UBR1: variants seen among roughly 807,000 people sequenced by gnomAD.
UBR1 encodes the protein ubiquitin protein ligase E3 component n-recognin 1, also known as E3 ubiquitin-protein ligase UBR1.
A neutral mutation model predicts 242.1 loss-of-function variants in UBR1; 102 were observed. The observed-to-expected ratio is 0.42, with a 90% confidence interval of 0.36 to 0.50. UBR1 has a LOEUF of 0.50. Among genes scored for constraint, UBR1 ranks in the 20% least tolerant of loss-of-function variants. The pLI, the probability that UBR1 is intolerant of heterozygous loss-of-function variation, is 0.01. For synonymous variants in UBR1, 675 were observed against 684.8 expected, an observed-to-expected ratio of 0.99 and a Z score of 0.22; for missense variants, 1,772 against 2,101.8, an observed-to-expected ratio of 0.84 and a Z score of 3.07.
rs1428742525 is a variant in UBR1 at position 42,966,263 on chromosome 15, C to G, written c.4481G>C (p.Gly1494Ala). Residue 1494 changes from glycine to alanine, a missense_variant, in exon 41 of 47, where the codon GGC (glycine) becomes GCC (alanine). Coordinates refer to ENST00000290650, the MANE Select transcript of UBR1 (RefSeq NM_174916.3). ...TSGSIGCDIP[G>A]WYLWVSLKNG... The stretch of plus-strand genomic sequence containing the variant: ...CTTCAGTGAGACCCACAAATACCAG[C>G]CAGGAATATCACACCCAATGGAGCT... The G allele has an allele frequency of 2.5e-6, 4 of 1,613,956 alleles. No homozygotes were observed. The highest frequency in any genetic ancestry group is 1.6e-4 in the Middle Eastern group (1 of 6,082).
At chr15:43,101,783 A>G (rs2141373394) in intron 1 of UBR1, among the ~76,000 whole-genome samples, 1 of 152,112 alleles carries the variant, frequency 6.6e-6, no homozygotes, top group Middle Eastern at 3.4e-3. Context: ...CCTGGCCAAC[A>G]TGGTGAAACC....
intron 21 of UBR1, among the ~76,000 whole-genome samples, chr15:43,029,150 AC>A (rs2141309569): frequency 1.4e-5 from 2 of 148,090 alleles, no homozygotes; most frequent in East Asian, 1.9e-4. Flanking sequence ...TCTCTATTCT[AC>A]CTCTTTGGAA....
intron 34 of UBR1, among the ~76,000 whole-genome samples, chr15:42,989,192 G>A (rs1443666707): frequency 6.6e-6 from 1 of 152,218 alleles, no homozygotes; most frequent in Non-Finnish European, 1.5e-5. Flanking sequence ...CTTATAAAAT[G>A]CTAATGACCT....
At position 43,087,337 on chromosome 15, in the gene UBR1, G is replaced by A. The variant is rs573270015; in HGVS notation, c.82-1097C>T. Among the ~76,000 whole-genome samples the A allele has an allele frequency of 1.2e-4, 19 of 152,154 alleles. 1 individual carries two copies. The South Asian group carries it at 2.1e-3, about 17-fold the overall frequency. Reference sequence around the variant, plus strand: ...GGAGGATGGCGTGAACCCAGGAGGCGGAGCTTGCAGTGAGCCGAGAATGCG... The same window carrying A: ...GGAGGATGGCGTGAACCCAGGAGGCAGAGCTTGCAGTGAGCCGAGAATGCG... On this transcript the variant is annotated intron_variant, in intron 1 of 46. Coordinates refer to ENST00000290650, the MANE Select transcript of UBR1 (RefSeq NM_174916.3).
At chr15:42,978,800 C>T (rs2032329371) in intron 37 of UBR1, among the ~76,000 whole-genome samples, 1 of 150,048 alleles carries the variant, frequency 6.7e-6, no homozygotes, top group Non-Finnish European at 1.5e-5. Flanking sequence ...ATGATGTCGG[C>T]TCACCGCAAC....
intron 12 of UBR1, among the ~76,000 whole-genome samples, chr15:43,053,675 C>T (rs2033582312): frequency 6.6e-6 from 1 of 152,114 alleles, no homozygotes; most frequent in African/African-American, 2.4e-5. Context: ...TTACTGTAAC[C>T]TCAAACCCCT....
chr15:43,092,195 C>G (rs1028488101), intron 1 of UBR1: 36 of 297,102 alleles, frequency 1.2e-4, no homozygotes, highest in Non-Finnish European at 1.8e-4. Context: ...CCTCCACCCC[C>G]ACACCAACTT....
rs901738677 is a variant in UBR1, at chr15:42,958,339, C to T, written c.4758-249G>A. Among the ~76,000 whole-genome samples, 7 of 152,180 alleles carry T rather than the reference C, an allele frequency of 4.6e-5. No homozygotes were observed. The East Asian group carries it at 1.3e-3, about 29-fold the overall frequency. On this transcript the variant is annotated intron_variant, in intron 43 of 46. Transcript: ENST00000290650. The stretch of plus-strand genomic sequence containing the variant: ...GGACTAAACTGTTATAGCTAGATTT[C>T]TGTACTGTATAGGGAAGTAACATAA...
chr15:43,041,475 G>A (rs1354225379), intron 15 of UBR1, among the ~76,000 whole-genome samples: 1 of 151,888 alleles, frequency 6.6e-6, no homozygotes, highest in African/African-American at 2.4e-5. Flanking sequence ...AATGTATAGG[G>A]ACCCCCCTAT....
Position 42,988,936 on chromosome 15 carries a change from C to A in UBR1, c.3880G>T (p.Val1294Phe). 1 of 1,607,304 alleles carries A rather than the reference C, an allele frequency of 6.2e-7. No homozygotes were observed. The highest frequency in any genetic ancestry group is 8.5e-7 in the Non-Finnish European group (1 of 1,173,826). ...TAAATTGTTGTGGCAAAGAGAATAA[C>A]CATTTCCTTGATGCTATTTGAATAT... ...IKYSNSIKEM[V>F]ILFATTIYRI... is the part of the protein sequence containing the mutation. The change falls in exon 35 of 47, where the codon GTT becomes TTT. Residue 1294 changes from valine (V) to phenylalanine (F), a missense_variant. Coordinates refer to ENST00000290650, the MANE Select transcript of UBR1 (RefSeq NM_174916.3).
chr15:43,003,823 G>C lies in UBR1; in HGVS notation c.3509+14C>G. 6.2e-7 allele frequency: 1 copy of C among 1,613,672 alleles called. No individual in the cohort carries two copies. The highest frequency in any genetic ancestry group is 1.1e-5 in the South Asian group (1 of 91,070). On this transcript the variant is annotated intron_variant, in intron 31 of 46. Transcript: ENST00000290650. ...CCTAGTCTCTTTCAAGAACATGTCA[G>C]AAGGACAACTTACTTCTGCCAGCAC...
intron 19 of UBR1, 90 bp downstream of exon 19, chr15:43,036,088 A>C (rs2033331573): frequency 8.4e-7 from 1 of 1,191,050 alleles, no homozygotes. Flanking sequence ...ATTTTAAAAA[A>C]TATGGCTAAA....
chr15:43,045,335 C>T (rs1052661822), intron 14 of UBR1, among the ~76,000 whole-genome samples: 6 of 152,020 alleles, frequency 3.9e-5, no homozygotes, highest in Admixed American at 6.6e-5. Context: ...GGTGTGGTGG[C>T]ATGTGCCTGT....
At chr15:43,068,184 A>ATTT (rs545130203) in intron 5 of UBR1, 148 bp from the exon 6 acceptor site, 59 of 254,866 alleles carry the variant, frequency 2.3e-4, no homozygotes, top group South Asian at 4.0e-4. Context: ...ATAGAATTTG[A>ATTT]TTTTTTTTTT....
At position 42,950,304 on chromosome 15, in the gene UBR1, G is replaced by C; in HGVS notation, c.5066C>G (p.Ala1689Gly). ...TTCTCCATATTCATCCAAGTAAGGAGCTGGATAGGCACAGCCTCTGGCTTT... is the reference window on the plus strand; with the variant it reads ...TTCTCCATATTCATCCAAGTAAGGACCTGGATAGGCACAGCCTCTGGCTTT... ...EGKARGCAYP[A>G]PYLDEYGETD... is the part of the protein sequence containing the mutation. Residue 1689 changes from alanine (A) to glycine (G), a missense_variant, in exon 46 of 47, where the codon GCT becomes GGT. Physicochemically the swap from Ala to Gly is moderately conservative, Grantham distance 60. Transcript: ENST00000290650. 1 of 1,614,122 alleles carries C rather than the reference G, an allele frequency of 6.2e-7. No homozygotes were observed. The highest frequency in any genetic ancestry group is 8.5e-7 in the Non-Finnish European group (1 of 1,180,028).
chr15:42,971,157 T>A (rs1036409376), intron 39 of UBR1, among the ~76,000 whole-genome samples: 2 of 152,216 alleles, frequency 1.3e-5, no homozygotes, highest in Admixed American at 1.3e-4. Context: ...TGTAAATACT[T>A]ACTTCATCAT....
chr15:43,081,417 CAAAAAAAAAA>C (rs71108197), intron 3 of UBR1, among the ~76,000 whole-genome samples: 2 of 69,710 alleles, frequency 2.9e-5, no homozygotes, highest in East Asian at 4.0e-4. Context: ...CACCCCATCT[CAAAAAAAAAA>C]AAAAAAAAAA....
At chr15:43,039,263 G>A (rs971606074) in intron 15 of UBR1, among the ~76,000 whole-genome samples, 7 of 152,090 alleles carry the variant, frequency 4.6e-5, no homozygotes, top group African/African-American at 1.7e-4. Flanking sequence ...ACAAGAAAAC[G>A]TAGGGAAAAG....
intron 15 of UBR1, among the ~76,000 whole-genome samples, chr15:43,038,938 A>G (rs1046110598): frequency 6.6e-6 from 1 of 151,940 alleles, no homozygotes; most frequent in Non-Finnish European, 1.5e-5. Context: ...TTAAAAAGGT[A>G]CTTTTAACAA....
Sources: gnomAD v4.1 joint callset for allele counts (sites outside exome capture counted in the v4.1 genomes callset) on GRCh38, gnomAD v4.1.1 for gene constraint, MANE v1.5 for transcripts, NCBI Gene and HGNC (gene_info 2026-07-23, HGNC 2026-07-21) for gene names.